KYAT3: variants seen among roughly 807,000 people sequenced by gnomAD.
The protein encoded by KYAT3 is kynurenine aminotransferase 3.
A neutral mutation model predicts 59.0 loss-of-function variants in KYAT3; 50 were observed. That is an observed-to-expected ratio of 0.85 (90% CI 0.68 to 1.07). The LOEUF (loss-of-function observed/expected upper bound fraction) is 1.07. Among genes scored for constraint, KYAT3 ranks in the 50% least tolerant of loss-of-function variants. The pLI is 0.00. For missense variants in KYAT3, 497 were observed against 533.3 expected, an observed-to-expected ratio of 0.93 and a Z score of 0.67; for synonymous variants, 148 against 177.0, an observed-to-expected ratio of 0.84 and a Z score of 1.30.
At chr1:88,987,133 C>T (rs930359024) in intron 2 of KYAT3, among the ~76,000 whole-genome samples, 1 of 152,174 alleles carries the variant, frequency 6.6e-6, no homozygotes, top group Non-Finnish European at 1.5e-5. Flanking sequence ...AAAGATTTTT[C>T]AAAATACATT....
chr1:88,937,414 T>C (rs1675082337), intron 13 of KYAT3, among the ~76,000 whole-genome samples: 1 of 152,146 alleles, frequency 6.6e-6, no homozygotes, highest in Non-Finnish European at 1.5e-5. Context: ...GAAGTATTGA[T>C]TAAATTAGTA....
rs115146730 is a variant in KYAT3 at position 88,981,488 on chromosome 1, C to G, written c.99+6764G>C. On this transcript the variant is annotated intron_variant, in intron 2 of 13. Transcript: ENST00000260508. ...TTCCCCTTTTCCATTTGGTCAATTA[C>G]TTAAGTAACTACCACTCACTCCCTA... 4.1e-3 allele frequency: 631 copies of G among 155,088 alleles called. 4 individuals are homozygous for G. Among genetic ancestry groups the G allele is most frequent in the African/African-American group, 0.014 (603 of 41,610 alleles). The allele number at this position is 155,088 out of a possible 1,614,324, so 9.6% of individuals were successfully genotyped here.
At chr1:88,967,907 G>A (rs1408188492) in intron 4 of KYAT3, among the ~76,000 whole-genome samples, 1 of 152,062 alleles carries the variant, frequency 6.6e-6, no homozygotes, top group Non-Finnish European at 1.5e-5. Flanking sequence ...GTATAGGCTG[G>A]GGAGTGAGTT....
intron 13 of KYAT3, among the ~76,000 whole-genome samples, chr1:88,939,593 A>G (rs1675162892): frequency 6.6e-6 from 1 of 152,122 alleles, no homozygotes. Flanking sequence ...TGCAGGTTCC[A>G]TTTGTTCTGC....
intron 2 of KYAT3, chr1:88,981,420 G>A (rs1201193614): frequency 1.3e-5 from 2 of 152,644 alleles, no homozygotes; most frequent in South Asian, 2.1e-4. Context: ...AAAGGACCAC[G>A]AGAACCTCCT....
At chr1:88,945,910 T>C (rs1260593808) in intron 11 of KYAT3, among the ~76,000 whole-genome samples, 1 of 152,192 alleles carries the variant, frequency 6.6e-6, no homozygotes, top group African/African-American at 2.4e-5. Context: ...AAAAATCTTG[T>C]TTTCATTATC....
chr1:88,960,340 C>A (rs1019936355), intron 8 of KYAT3, among the ~76,000 whole-genome samples: 4 of 151,860 alleles, frequency 2.6e-5, no homozygotes, highest in Non-Finnish European at 5.9e-5. Flanking sequence ...TAATTCTCTA[C>A]CATGTACAAG....
chr1:88,933,673 A>G (rs145467364), downstream of KYAT3, among the ~76,000 whole-genome samples: 16 of 152,348 alleles, frequency 1.1e-4, no homozygotes, highest in East Asian at 3.1e-3. Context: ...AGAGTGTGTG[A>G]GGAAATAAGA....
rs374614872 is a variant in KYAT3 at position 88,976,902 on chromosome 1, T to C, written c.100-7435A>G. Among the ~76,000 whole-genome samples, 43 of 152,336 alleles carry C rather than the reference T, an allele frequency of 2.8e-4. No homozygotes were observed. The East Asian group carries it at 7.7e-3, about 27-fold the overall frequency. On this transcript the variant is annotated intron_variant, in intron 2 of 13. Transcript: ENST00000260508. ...AATATTTTTAAATATTTTGTATAGT[T>C]TGTGTGTTAAGTGTTATAGAAGAGT...
intron 8 of KYAT3, among the ~76,000 whole-genome samples, chr1:88,959,625 GT>G (rs1676067380): frequency 6.8e-6 from 1 of 147,574 alleles, no homozygotes; most frequent in South Asian, 2.1e-4. Flanking sequence ...CTTCTTCTTT[GT>G]TTTTAAAATT....
At chr1:88,936,266 C>A in intron 13 of KYAT3, 21 bp from the exon 14 acceptor site, 2 of 1,513,448 alleles carry the variant, frequency 1.3e-6, no homozygotes, top group Non-Finnish European at 9.2e-7. Flanking sequence ...ATGAAATAAT[C>A]ATCATTATTA....
intron 4 of KYAT3, among the ~76,000 whole-genome samples, chr1:88,967,897 G>A (rs1487339929): frequency 1.3e-5 from 2 of 152,036 alleles, no homozygotes; most frequent in African/African-American, 4.8e-5. Context: ...TTATGGATTT[G>A]TATAGGCTGG....
chr1:88,965,206 C>T (rs1676301391), intron 4 of KYAT3, among the ~76,000 whole-genome samples: 1 of 152,130 alleles, frequency 6.6e-6, no homozygotes, highest in African/African-American at 2.4e-5. Flanking sequence ...AAACTTCTTA[C>T]TAAATAAAGG....
At chr1:88,985,667 A>G (rs1677407551) in intron 2 of KYAT3, among the ~76,000 whole-genome samples, 1 of 152,224 alleles carries the variant, frequency 6.6e-6, no homozygotes. Context: ...GAAAATGAAT[A>G]CCTGCCCCAT....
rs369475167 is a variant in KYAT3 at position 88,943,316 on chromosome 1, A to G, written c.1215+34T>C. The G allele has an allele frequency of 5.5e-6, 7 of 1,280,370 alleles. No homozygotes were observed. The Admixed American group carries it at 7.9e-5, about 14-fold the overall frequency. 79.3% of individuals were successfully genotyped at this position (1,280,370 alleles called of 1,614,324 possible). On this transcript the variant is annotated intron_variant, in intron 12 of 13. Transcript: ENST00000260508. ...TTCCTTCAAAAATTAACTATAAAAT[A>G]TAACAGAATCTTGCAAAGAACAATA...
intron 2 of KYAT3, among the ~76,000 whole-genome samples, chr1:88,986,038 G>A (rs998577167): frequency 1.3e-5 from 2 of 152,052 alleles, no homozygotes; most frequent in Admixed American, 6.5e-5. Flanking sequence ...AATATTGGCC[G>A]GGAGTGGTGG....
intron 12 of KYAT3, 114 bp from the exon 13 acceptor site, chr1:88,943,205 C>T (rs773161473): frequency 5.6e-6 from 6 of 1,074,496 alleles, no homozygotes; most frequent in Non-Finnish European, 8.2e-6. Flanking sequence ...CAATAATTTC[C>T]AAAAAGAAAA....
chr1:88,985,909 A>G (rs887065992), intron 2 of KYAT3, among the ~76,000 whole-genome samples: 1 of 152,248 alleles, frequency 6.6e-6, no homozygotes, highest in African/African-American at 2.4e-5. Context: ...GGCTGGACGC[A>G]GTGACTCATG....
At chr1:88,969,010 C>T (rs1255249218) in intron 3 of KYAT3, among the ~76,000 whole-genome samples, 196 bp from the exon 4 acceptor site, 5 of 152,154 alleles carry the variant, frequency 3.3e-5, no homozygotes, top group Admixed American at 3.3e-4. Flanking sequence ...AATTTATGAA[C>T]CCAATGTCCC....
Sources: allele counts gnomAD v4.1 joint callset (sites outside exome capture counted in the v4.1 genomes callset), GRCh38; gene constraint gnomAD v4.1.1; transcripts MANE v1.5; gene names NCBI Gene and HGNC (gene_info 2026-07-23, HGNC 2026-07-21).